SLC9A9: variants seen among roughly 807,000 people sequenced by gnomAD.
The protein encoded by SLC9A9 is solute carrier family 9 member A9.
Under a neutral mutation model 77.8 loss-of-function variants are expected in SLC9A9, and 62 were observed. That is an observed-to-expected ratio of 0.80 (90% confidence interval 0.65 to 0.98). SLC9A9 has a LOEUF of 0.98. Among genes scored for constraint, SLC9A9 ranks in the 50% least tolerant of loss-of-function variants. SLC9A9 has a pLI of 0.00. For missense variants in SLC9A9, 775 were observed against 774.9 expected, an observed-to-expected ratio of 1.00 and a Z score of 0.00; for synonymous variants, 320 against 283.5, an observed-to-expected ratio of 1.13 and a Z score of -1.29.
At chr3:143,735,274 A>C (rs1934910734) in intron 4 of SLC9A9, among the ~76,000 whole-genome samples, 1 of 152,192 alleles carries the variant, frequency 6.6e-6, no homozygotes, top group Non-Finnish European at 1.5e-5. Flanking sequence ...TGAAGCAGCA[A>C]AGTGAACAAT....
chr3:143,734,349 G>A (rs914010866), intron 4 of SLC9A9, among the ~76,000 whole-genome samples: 2 of 152,148 alleles, frequency 1.3e-5, no homozygotes, highest in Non-Finnish European at 2.9e-5. Flanking sequence ...ATTTATGTGT[G>A]TGCCTGTGTG....
chr3:143,470,402 C>T (rs746572031), intron 11 of SLC9A9, among the ~76,000 whole-genome samples: 1 of 151,568 alleles, frequency 6.6e-6, no homozygotes, highest in Non-Finnish European at 1.5e-5. Flanking sequence ...ATCACTTGAA[C>T]CTGGGAGGCG....
intron 14 of SLC9A9, chr3:143,342,169 T>C (rs764648025): frequency 2.6e-5 from 4 of 152,200 alleles, no homozygotes; most frequent in African/African-American, 4.8e-5. Flanking sequence ...GATCTCTCAA[T>C]GAAACAAACA....
chr3:143,545,534 C>T (rs2036772960), intron 9 of SLC9A9, among the ~76,000 whole-genome samples: 1 of 152,198 alleles, frequency 6.6e-6, no homozygotes, highest in African/African-American at 2.4e-5. Flanking sequence ...GTTCTTAGAA[C>T]ACAATTAGTC....
intron 6 of SLC9A9, among the ~76,000 whole-genome samples, chr3:143,648,750 G>A (rs1367483908): frequency 2.0e-5 from 3 of 152,122 alleles, no homozygotes; most frequent in Non-Finnish European, 2.9e-5. Context: ...ACCAATACAT[G>A]CTGTACCTTT....
chr3:143,540,858 A>G (rs1194521534), intron 9 of SLC9A9, among the ~76,000 whole-genome samples: 1 of 152,242 alleles, frequency 6.6e-6, no homozygotes, highest in African/African-American at 2.4e-5. Context: ...GACACATTAT[A>G]GTGTTCAACA....
At chr3:143,469,623 C>T (rs1222187275) in intron 11 of SLC9A9, among the ~76,000 whole-genome samples, 1 of 152,160 alleles carries the variant, frequency 6.6e-6, no homozygotes, top group Non-Finnish European at 1.5e-5. Context: ...ATATAACGCT[C>T]CTTTCTTACC....
chr3:143,505,678 A>T (rs2036002616), intron 9 of SLC9A9, among the ~76,000 whole-genome samples: 1 of 152,218 alleles, frequency 6.6e-6, no homozygotes, highest in Admixed American at 6.5e-5. Context: ...CTTGCTTTTT[A>T]AAAACATGAG....
At chr3:143,661,203 C>T (rs1288593479) in intron 5 of SLC9A9, among the ~76,000 whole-genome samples, 2 of 152,178 alleles carry the variant, frequency 1.3e-5, no homozygotes, top group Non-Finnish European at 2.9e-5. Flanking sequence ...CAGCTCTCAC[C>T]ATAGAAGCAA....
intron 14 of SLC9A9, among the ~76,000 whole-genome samples, chr3:143,352,471 A>C (rs1205455092): frequency 6.6e-6 from 1 of 152,208 alleles, no homozygotes; most frequent in Admixed American, 6.5e-5. Context: ...GTCAAAGGCA[A>C]TGGTTTCAGG....
At chr3:143,448,965 TA>T (rs376440000) in intron 12 of SLC9A9, among the ~76,000 whole-genome samples, 1,069 of 6,710 alleles carry the variant, frequency 0.16, 513 homozygotes, top group East Asian at 0.95. Context: ...TATAATTATA[TA>T]AATATAATTA....
chr3:143,751,148 C>G (rs73009486), intron 4 of SLC9A9, among the ~76,000 whole-genome samples: 2,438 of 152,254 alleles, frequency 0.016, 70 homozygotes, highest in African/African-American at 0.056. Context: ...TTTGATATTG[C>G]AGGGCGAGTC....
intron 9 of SLC9A9, among the ~76,000 whole-genome samples, chr3:143,541,067 C>A (rs2036682044): frequency 6.6e-6 from 1 of 152,114 alleles, no homozygotes; most frequent in Non-Finnish European, 1.5e-5. Flanking sequence ...TATTTGACAC[C>A]CCTTCCCCCA....
chr3:143,747,049 T>C (rs370632797), intron 4 of SLC9A9, among the ~76,000 whole-genome samples: 1 of 152,132 alleles, frequency 6.6e-6, no homozygotes, highest in South Asian at 2.1e-4. Context: ...CGCTGAACAA[T>C]GGGCCCACAA....
At chr3:143,729,817 C>A (rs1034765159) in intron 4 of SLC9A9, among the ~76,000 whole-genome samples, 1 of 152,170 alleles carries the variant, frequency 6.6e-6, no homozygotes, top group African/African-American at 2.4e-5. Context: ...GCCTGGCAAC[C>A]TTTACTGTTA....
intron 6 of SLC9A9, among the ~76,000 whole-genome samples, chr3:143,588,586 A>T (rs2037594120): frequency 6.6e-6 from 1 of 152,244 alleles, no homozygotes; most frequent in South Asian, 2.1e-4. Context: ...GTTATGAATT[A>T]TATGTGCATT....
At chr3:143,630,324 T>C (rs971955761) in intron 6 of SLC9A9, among the ~76,000 whole-genome samples, 17 of 152,190 alleles carry the variant, frequency 1.1e-4, no homozygotes, top group African/African-American at 3.4e-4. Context: ...CTTGTCTGAT[T>C]GATTGTGTCT....
At chr3:143,675,313 G>A (rs2039219876) in intron 5 of SLC9A9, among the ~76,000 whole-genome samples, 1 of 152,196 alleles carries the variant, frequency 6.6e-6, no homozygotes, top group East Asian at 1.9e-4. Flanking sequence ...CTTGTCAAGT[G>A]CAGGCTGGTT....
rs2036994499 is a variant in SLC9A9, at chr3:143,557,013, C to T, written c.1001-4563G>A. Among the ~76,000 whole-genome samples, 5 of 152,158 alleles carry T rather than the reference C, an allele frequency of 3.3e-5. No homozygotes were observed. The East Asian group carries it at 9.6e-4, about 29-fold the overall frequency. ...AAAGTGATGTGGTTATATGGTTTGG[C>T]TGTGTCCCCCATCACATCTCATCTT... is the stretch of plus-strand genomic sequence containing the variant. On this transcript the variant is annotated intron_variant, in intron 8 of 15. Transcript: ENST00000316549.
Sources: gnomAD v4.1 joint callset for allele counts (sites outside exome capture counted in the v4.1 genomes callset) on GRCh38, gnomAD v4.1.1 for gene constraint, MANE v1.5 for transcripts, NCBI Gene and HGNC (gene_info 2026-07-23, HGNC 2026-07-21) for gene names.